The following ST6GALNAC3 variants were observed in gnomAD, a reference collection of about 807,000 sequenced individuals.
ST6GALNAC3 encodes the protein alpha-N-acetylgalactosaminide alpha-2,6-sialyltransferase 3.
ST6GALNAC3 carries 25 observed loss-of-function variants against 32.7 expected under a neutral mutation model. The observed-to-expected ratio is 0.76, with a 90% CI of 0.56 to 1.07. The LOEUF (loss-of-function observed/expected upper bound fraction) is 1.07, where lower values mean the gene tolerates loss of function less well. Among genes scored for constraint, ST6GALNAC3 ranks in the 50% least tolerant of loss-of-function variants. The pLI is 0.00. For missense variants in ST6GALNAC3, 355 were observed against 382.4 expected (o/e 0.93, Z 0.60); for synonymous variants, 129 against 133.1 (o/e 0.97, Z 0.21).
intron 1 of ST6GALNAC3, among the ~76,000 whole-genome samples, chr1:76,185,012 A>C (rs1484218547): frequency 1.3e-5 from 2 of 152,148 alleles, no homozygotes; most frequent in Non-Finnish European, 2.9e-5. Flanking sequence ...TAGTTATTTT[A>C]AAGGTAGCAC....
At chr1:76,422,621 G>C (rs1031376864) in intron 3 of ST6GALNAC3, among the ~76,000 whole-genome samples, 6 of 151,928 alleles carry the variant, frequency 3.9e-5, no homozygotes, top group Admixed American at 1.3e-4. Context: ...GCTCATTCCT[G>C]GACTTTCTGG....
rs527687985 is a variant in ST6GALNAC3, at chr1:76,427,791, G to C, written c.623+15374G>C. Among the ~76,000 whole-genome samples, 5 of 152,218 alleles carry C rather than the reference G, an allele frequency of 3.3e-5. No individual in the cohort carries two copies. In the East Asian group the frequency reaches 9.7e-4, roughly 30 times the overall value. ...TGGGGGAGACAGATATAGTTTCACAGGGCTACAGAAAAGCCCCGAAGGGCC... is the reference window on the plus strand; with the variant it reads ...TGGGGGAGACAGATATAGTTTCACACGGCTACAGAAAAGCCCCGAAGGGCC... On this transcript the variant is annotated intron_variant, in intron 3 of 4. Coordinates refer to ENST00000328299, the MANE Select transcript of ST6GALNAC3 (RefSeq NM_152996.4).
chr1:76,361,989 A>AATAT lies in ST6GALNAC3; in HGVS notation c.213+47991_213+47992insTATA, dbSNP rs1553184754. ...TGAGACTCTGTATCAAAAAAAAAAA[A>AATAT]AAAAGAGAGAAAGAAAGATACCTGA... is the stretch of plus-strand genomic sequence containing the variant. On this transcript the variant is annotated intron_variant, in intron 2 of 4. Coordinates refer to ENST00000328299, the MANE Select transcript of ST6GALNAC3 (RefSeq NM_152996.4). 5.4e-5 allele frequency among the ~76,000 whole-genome samples: 8 copies of AATAT among 148,178 alleles called. No homozygotes were observed. The East Asian group carries it at 1.6e-3, about 29-fold the overall frequency.
At chr1:76,116,279 G>T (rs1648471310) in intron 1 of ST6GALNAC3, among the ~76,000 whole-genome samples, 1 of 152,056 alleles carries the variant, frequency 6.6e-6, no homozygotes, top group Non-Finnish European at 1.5e-5. Flanking sequence ...AAGTCTCCTG[G>T]GCTACAGTGA....
intron 3 of ST6GALNAC3, among the ~76,000 whole-genome samples, chr1:76,427,990 G>C (rs1358268340): frequency 6.6e-6 from 1 of 152,062 alleles, no homozygotes; most frequent in Non-Finnish European, 1.5e-5. Flanking sequence ...GAATAGTGAG[G>C]AGATCTGTTT....
At chr1:76,204,874 C>T (rs1388419034) in intron 1 of ST6GALNAC3, among the ~76,000 whole-genome samples, 2 of 152,116 alleles carry the variant, frequency 1.3e-5, no homozygotes, top group Non-Finnish European at 2.9e-5. Flanking sequence ...GCCTTGGATT[C>T]TTATATTAAT....
intron 1 of ST6GALNAC3, among the ~76,000 whole-genome samples, chr1:76,216,275 C>G (rs1164635936): frequency 6.6e-6 from 1 of 152,190 alleles, no homozygotes; most frequent in Non-Finnish European, 1.5e-5. Flanking sequence ...CACACACGCA[C>G]AGACACAGAC....
rs574235715 is a variant in ST6GALNAC3, at chr1:76,156,876, C to T, written c.18+81992C>T. On this transcript the variant is annotated intron_variant, in intron 1 of 4. Transcript: ENST00000328299. ...CCTCCCAAGTAGCTGGGACTACAGG[C>T]GCCCGCCACCACGCCCGGCTAATTT... Among the ~76,000 whole-genome samples the T allele has an allele frequency of 3.4e-4, 52 of 152,318 alleles. No homozygotes were observed. In the South Asian group the frequency reaches 9.1e-3, roughly 27 times the overall value.
intron 3 of ST6GALNAC3, among the ~76,000 whole-genome samples, chr1:76,451,859 GCAAA>G (rs1268208602): frequency 2.0e-5 from 3 of 152,138 alleles, no homozygotes; most frequent in Non-Finnish European, 2.9e-5. Context: ...TATATCATCA[GCAAA>G]CAGTGACAGT....
chr1:76,432,443 C>CTTTTTTTTTTT (rs35527607), intron 3 of ST6GALNAC3, among the ~76,000 whole-genome samples: 1 of 57,150 alleles, frequency 1.7e-5, no homozygotes, highest in African/African-American at 7.0e-5. Context: ...CCTTTATTGC[C>CTTTTTTTTTTT]TTTTTTTTTT....
chr1:76,261,892 AAC>A (rs2100730655), intron 1 of ST6GALNAC3, among the ~76,000 whole-genome samples: 1 of 152,308 alleles, frequency 6.6e-6, no homozygotes, highest in Admixed American at 6.5e-5. Flanking sequence ...TTTTTATTCT[AAC>A]AGTCACTAAA....
At chr1:76,078,452 C>A (rs1646846213) in intron 1 of ST6GALNAC3, among the ~76,000 whole-genome samples, 1 of 152,072 alleles carries the variant, frequency 6.6e-6, no homozygotes, top group South Asian at 2.1e-4. Context: ...ACTTCATAAT[C>A]ATTTAATTTA....
At chr1:76,152,726 T>A (rs1450024058) in intron 1 of ST6GALNAC3, among the ~76,000 whole-genome samples, 2 of 152,152 alleles carry the variant, frequency 1.3e-5, no homozygotes, top group East Asian at 1.9e-4. Context: ...TCTGAACTTG[T>A]GAGACTAGCT....
chr1:76,486,578 A>G (rs1215358478), intron 3 of ST6GALNAC3, among the ~76,000 whole-genome samples: 1 of 151,922 alleles, frequency 6.6e-6, no homozygotes, highest in Non-Finnish European at 1.5e-5. Flanking sequence ...CCTTTGCTTG[A>G]TAGATCTTCT....
In ST6GALNAC3 at chr1:76,313,937, T is replaced by G; in HGVS notation, c.151T>G (p.Ser51Ala). The change falls in exon 2 of 5, where the codon TCC becomes GCC. Residue 51 changes from serine (S) to alanine (A), a missense_variant. Coordinates refer to ENST00000328299, the MANE Select transcript of ST6GALNAC3 (RefSeq NM_152996.4). ...ACCTGGTACAAAGTGGATACCATTC[T>G]CCTACACATACAGGCGGCCCCTTCG... is the stretch of plus-strand genomic sequence containing the variant. ...GQPGTKWIPF[S>A]YTYRRPLRTH... The G allele has an allele frequency of 6.2e-7, 1 of 1,613,498 alleles. No homozygotes were observed. Among genetic ancestry groups the G allele is most frequent in the Non-Finnish European group, 8.5e-7 (1 of 1,179,648 alleles).
chr1:76,286,069 C>G (rs2100801906), intron 1 of ST6GALNAC3, among the ~76,000 whole-genome samples: 1 of 152,274 alleles, frequency 6.6e-6, no homozygotes, highest in African/African-American at 2.4e-5. Context: ...AGGAGGCAGC[C>G]ATCAGCTTGG....
chr1:76,263,807 C>G (rs897734943), intron 1 of ST6GALNAC3, among the ~76,000 whole-genome samples: 5 of 152,130 alleles, frequency 3.3e-5, no homozygotes, highest in African/African-American at 1.2e-4. Flanking sequence ...TCAGGGTCAC[C>G]CCTTGTGGGG....
intron 3 of ST6GALNAC3, among the ~76,000 whole-genome samples, chr1:76,496,209 A>G (rs894480192): frequency 6.6e-6 from 1 of 152,176 alleles, no homozygotes; most frequent in Non-Finnish European, 1.5e-5. Flanking sequence ...CTGTAAGTCC[A>G]CTGAGCACCA....
intron 2 of ST6GALNAC3, among the ~76,000 whole-genome samples, chr1:76,361,471 A>G (rs1412540386): frequency 6.6e-6 from 1 of 152,110 alleles, no homozygotes; most frequent in Non-Finnish European, 1.5e-5. Context: ...TTAACCATTC[A>G]TCTGTCTATA....
Sources: gnomAD v4.1 joint callset for allele counts (sites outside exome capture counted in the v4.1 genomes callset) on GRCh38, gnomAD v4.1.1 for gene constraint, MANE v1.5 for transcripts, NCBI Gene and HGNC (gene_info 2026-07-23, HGNC 2026-07-21) for gene names.